The following TNFRSF19 variants were observed in gnomAD, a reference collection of about 807,000 sequenced individuals.
The protein encoded by TNFRSF19 is tumor necrosis factor receptor superfamily member 19.
In TNFRSF19, 27 loss-of-function variants were observed where a neutral mutation model predicts 46.4. That is an observed-to-expected ratio of 0.58 (90% CI 0.43 to 0.80). TNFRSF19 has a LOEUF of 0.80. Ranked by LOEUF, TNFRSF19 falls within the 30% of genes least tolerant of loss-of-function variation. The pLI is 0.00. For synonymous variants in TNFRSF19, 204 were observed against 205.0 expected, an observed-to-expected ratio of 1.00 and a Z score of 0.04; for missense variants, 511 against 530.8, an observed-to-expected ratio of 0.96 and a Z score of 0.37.
Position 23,676,029 on chromosome 13 carries a change from TATC to T in TNFRSF19, c.*2652_*2654del, listed in dbSNP as rs1020292536. 6 of 152,228 alleles carry T rather than the reference TATC, an allele frequency of 3.9e-5. No homozygotes were observed. The highest frequency in any genetic ancestry group is 2.0e-4 in the Admixed American group (3 of 15,282). The allele number at this position is 152,228 out of a possible 1,614,324, so 9.4% of individuals were successfully genotyped here. ...TACTGGAATTTATAAATGTGTAAAT[TATC>T]ATTTTCTTAGTTTTGTAATACCTTT... On this transcript the variant is annotated 3_prime_UTR_variant, in exon 10 of 10. Transcript: ENST00000248484.
intron 3 of TNFRSF19, among the ~76,000 whole-genome samples, chr13:23,605,614 A>T (rs562636068): frequency 9.2e-5 from 14 of 152,286 alleles, no homozygotes; most frequent in African/African-American, 3.4e-4. Flanking sequence ...CTACAATGGA[A>T]TATTACTCTG....
intron 5 of TNFRSF19, among the ~76,000 whole-genome samples, chr13:23,651,000 T>C (rs183779495): frequency 9.9e-4 from 150 of 152,232 alleles, no homozygotes; most frequent in African/African-American, 3.5e-3. Flanking sequence ...ATCTGGAATT[T>C]GTATGTTGAG....
In TNFRSF19 at chr13:23,675,928, T is replaced by A. The variant is rs780466138; in HGVS notation, c.*2548T>A. On this transcript the variant is annotated 3_prime_UTR_variant, in exon 10 of 10. Coordinates refer to ENST00000248484, the MANE Select transcript of TNFRSF19 (RefSeq NM_148957.4). The stretch of plus-strand genomic sequence containing the variant: ...GGTTAAGCACTATTGTCTGTGCTAG[T>A]AAGAAAAAGAAAGGAAAACCATCAT... The A allele has an allele frequency of 5.3e-5, 8 of 152,226 alleles. No homozygotes were observed. Among genetic ancestry groups the A allele is most frequent in the Admixed American group, 2.0e-4 (3 of 15,284 alleles). The allele number at this position is 152,226 out of a possible 1,614,324, so 9.4% of individuals were successfully genotyped here.
At chr13:23,613,353 T>G (rs1210562960) in intron 3 of TNFRSF19, among the ~76,000 whole-genome samples, 1 of 152,240 alleles carries the variant, frequency 6.6e-6, no homozygotes, top group African/African-American at 2.4e-5. Context: ...GATCGGAGAA[T>G]TCCCAAAATA....
chr13:23,615,763 A>T, intron 3 of TNFRSF19, 104 bp from the exon 4 acceptor site: 1 of 1,244,324 alleles, frequency 8.0e-7, no homozygotes, highest in South Asian at 1.9e-5. Context: ...AGGAAGGCCG[A>T]CACTTGGTAA....
At chr13:23,573,553 T>C (rs1282576383) in intron 1 of TNFRSF19, among the ~76,000 whole-genome samples, 1 of 152,198 alleles carries the variant, frequency 6.6e-6, no homozygotes, top group Non-Finnish European at 1.5e-5. Flanking sequence ...AAGGAATTGA[T>C]ATTTTCTTAG....
chr13:23,618,123 A>G (rs1202099213), intron 4 of TNFRSF19, among the ~76,000 whole-genome samples: 1 of 152,186 alleles, frequency 6.6e-6, no homozygotes, highest in Non-Finnish European at 1.5e-5. Flanking sequence ...GCAGCAAAAG[A>G]AAAAATAGCT....
intron 9 of TNFRSF19, among the ~76,000 whole-genome samples, chr13:23,670,917 T>C (rs1267857172): frequency 6.6e-6 from 1 of 152,202 alleles, no homozygotes; most frequent in Non-Finnish European, 1.5e-5. Flanking sequence ...TGTTTTTCAG[T>C]TTTGTCAGGA....
chr13:23,618,450 A>T (rs1020137572), intron 4 of TNFRSF19, among the ~76,000 whole-genome samples: 1 of 152,164 alleles, frequency 6.6e-6, no homozygotes, highest in Non-Finnish European at 1.5e-5. Context: ...ACATTCTTCA[A>T]CCCCACTAAG....
chr13:23,626,864 T>G, intron 5 of TNFRSF19, 72 bp downstream of exon 5: 1 of 1,492,108 alleles, frequency 6.7e-7, no homozygotes, highest in South Asian at 1.2e-5. Flanking sequence ...TTGTAAACGT[T>G]TCTTCTCTGG....
chr13:23,611,121 C>G (rs1880880040), intron 3 of TNFRSF19, among the ~76,000 whole-genome samples: 1 of 117,500 alleles, frequency 8.5e-6, no homozygotes, highest in East Asian at 2.8e-4. Flanking sequence ...CACACACACA[C>G]ATGTGCACAC....
intron 1 of TNFRSF19, among the ~76,000 whole-genome samples, chr13:23,577,179 T>C (rs553570383): frequency 1.3e-5 from 2 of 152,350 alleles, no homozygotes; most frequent in African/African-American, 2.4e-5. Context: ...TGGGACCAGA[T>C]TGTCAGATGC....
At chr13:23,646,231 A>C (rs567239516) in intron 5 of TNFRSF19, among the ~76,000 whole-genome samples, 15 of 152,260 alleles carry the variant, frequency 9.9e-5, no homozygotes, top group Non-Finnish European at 1.6e-4. Flanking sequence ...CTCCACCCTG[A>C]AGCCCCCCCA....
At chr13:23,667,745 C>T (rs551144673) in intron 7 of TNFRSF19, among the ~76,000 whole-genome samples, 1 of 151,960 alleles carries the variant, frequency 6.6e-6, no homozygotes, top group African/African-American at 2.4e-5. Flanking sequence ...TTGCTCCAGC[C>T]CCCTAGCATC....
rs542654869 is a variant in TNFRSF19, at chr13:23,676,001, G to T, written c.*2621G>T. On this transcript the variant is annotated 3_prime_UTR_variant, in exon 10 of 10. Transcript: ENST00000248484. ...ATTTAGATTTCATCATTACTATTTTGCATACTGGAATTTATAAATGTGTAA... is the reference window on the plus strand; with the variant it reads ...ATTTAGATTTCATCATTACTATTTTTCATACTGGAATTTATAAATGTGTAA... The T allele has an allele frequency of 2.6e-5, 4 of 152,160 alleles. No individual in the cohort carries two copies. The highest frequency in any genetic ancestry group is 9.6e-5 in the African/African-American group (4 of 41,516). 9.4% of individuals were successfully genotyped at this position (152,160 alleles called of 1,614,324 possible). A position where few individuals can be genotyped will look rare whatever the true frequency, so the allele number is the denominator to read the frequency against.
At chr13:23,588,495 A>G (rs1879007579) in intron 1 of TNFRSF19, among the ~76,000 whole-genome samples, 1 of 152,096 alleles carries the variant, frequency 6.6e-6, no homozygotes, top group Non-Finnish European at 1.5e-5. Flanking sequence ...ATCCAGACTA[A>G]TTGCTCGAAT....
rs1884235295 is a variant in TNFRSF19, at chr13:23,659,782, G to A, written c.610+568G>A. Reference sequence around the variant, plus strand: ...GGCCTCCCAAAGTGCTGAGATGACAGATGTGAGCCACTGCACCGGCCTATT... The same window carrying A: ...GGCCTCCCAAAGTGCTGAGATGACAAATGTGAGCCACTGCACCGGCCTATT... On this transcript the variant is annotated intron_variant, in intron 6 of 9. Coordinates refer to ENST00000248484, the MANE Select transcript of TNFRSF19 (RefSeq NM_148957.4). This position sits in a 1 kb window ranked among gnomAD's most constrained non-coding sequence, Gnocchi z 4.9. Among the ~76,000 whole-genome samples, 1 of 152,210 alleles carries A rather than the reference G, an allele frequency of 6.6e-6. No individual in the cohort carries two copies. Among genetic ancestry groups the A allele is most frequent in the Non-Finnish European group, 1.5e-5 (1 of 68,046 alleles).
chr13:23,671,316 T>C (rs1951759054), intron 9 of TNFRSF19, among the ~76,000 whole-genome samples: 1 of 152,218 alleles, frequency 6.6e-6, no homozygotes, highest in Admixed American at 6.5e-5. Context: ...TATAATAATT[T>C]ATTAATGAAA....
At position 23,571,709 on chromosome 13, in the gene TNFRSF19, A is replaced by T. The variant is rs192283695; in HGVS notation, c.-35+861A>T. ...TTTAGCTAATGCCCAACATGACAAA[A>T]CCAAATTATATTGCTGTACCGAATT... On this transcript the variant is annotated intron_variant, in intron 1 of 9. Transcript: ENST00000248484. 1.9e-4 allele frequency among the ~76,000 whole-genome samples: 29 copies of T among 152,238 alleles called. No individual in the cohort carries two copies. In the East Asian group the frequency reaches 5.6e-3, roughly 29 times the overall value.
Sources: allele counts gnomAD v4.1 joint callset (sites outside exome capture counted in the v4.1 genomes callset), GRCh38; gene constraint gnomAD v4.1.1; non-coding constraint Gnocchi (gnomAD v3.1); transcripts MANE v1.5; gene names NCBI Gene and HGNC (gene_info 2026-07-23, HGNC 2026-07-21).